The following PTPRG variants were observed in gnomAD, a reference collection of about 807,000 sequenced individuals.
PTPRG encodes the protein receptor-type tyrosine-protein phosphatase gamma.
Under a neutral mutation model 165.3 loss-of-function variants are expected in PTPRG, and 102 were observed. That is an observed-to-expected ratio of 0.62 (90% CI 0.53 to 0.73). PTPRG has a LOEUF of 0.73. PTPRG is among the 30% of genes least tolerant of loss of function. The probability of loss-of-function intolerance (pLI) is 0.00; values close to 1 mark genes in which losing one functional copy is unlikely to be tolerated. For synonymous variants in PTPRG, 675 were observed against 669.5 expected (o/e 1.01, Z -0.13); for missense variants, 1,866 against 1,861.4 (o/e 1.00, Z -0.05).
chr3:61,738,218 G>C (rs1277511831), intron 1 of PTPRG, among the ~76,000 whole-genome samples: 1 of 142,884 alleles, frequency 7.0e-6, no homozygotes. Flanking sequence ...TTTTAAAATG[G>C]GTACCCAACC....
chr3:61,827,485 A>G (rs535696842), intron 2 of PTPRG, among the ~76,000 whole-genome samples: 50 of 152,242 alleles, frequency 3.3e-4, no homozygotes, highest in African/African-American at 1.2e-3. Context: ...AAGGTCAGAA[A>G]TCATCTCATG....
At chr3:61,643,277 A>AAG (rs35814794) in intron 1 of PTPRG, among the ~76,000 whole-genome samples, 1,714 of 149,830 alleles carry the variant, frequency 0.011, 35 homozygotes, top group African/African-American at 0.036. Flanking sequence ...GAGAGAGAGA[A>AAG]AGAGAGAGAG....
chr3:62,046,579 CT>C (rs1248780680), intron 4 of PTPRG, among the ~76,000 whole-genome samples: 1 of 152,148 alleles, frequency 6.6e-6, no homozygotes, highest in Non-Finnish European at 1.5e-5. Context: ...CATTGGCATG[CT>C]TGCTGCCTTC....
intron 1 of PTPRG, among the ~76,000 whole-genome samples, chr3:61,645,598 G>C (rs979184210): frequency 6.6e-6 from 1 of 152,190 alleles, no homozygotes; most frequent in African/African-American, 2.4e-5. Context: ...TTGCCTTAAC[G>C]GGGCTAGTTC....
At chr3:61,880,909 G>A (rs1050772613) in intron 2 of PTPRG, among the ~76,000 whole-genome samples, 1 of 150,478 alleles carries the variant, frequency 6.6e-6, no homozygotes, top group Middle Eastern at 3.6e-3. Flanking sequence ...AATGGGGTCA[G>A]TTTCTACTGA....
At chr3:61,738,310 A>ATGTG (rs1559583400) in intron 1 of PTPRG, among the ~76,000 whole-genome samples, 3 of 45,498 alleles carry the variant, frequency 6.6e-5, no homozygotes, top group African/African-American at 1.6e-4. Flanking sequence ...ATATATATAT[A>ATGTG]TACATATATA....
rs750645849 is a variant in PTPRG, at chr3:62,091,728, A to G, written c.615+13470A>G. On this transcript the variant is annotated intron_variant, in intron 5 of 29. Transcript: ENST00000474889. ...ATGTGATCGTTGGAGATTTTAGAATACTAGGGCATGGGAATTATTACCTGT... is the reference window on the plus strand; with the variant it reads ...ATGTGATCGTTGGAGATTTTAGAATGCTAGGGCATGGGAATTATTACCTGT... Among the ~76,000 whole-genome samples, 5 of 152,266 alleles carry G rather than the reference A, an allele frequency of 3.3e-5. No homozygotes were observed. The East Asian group carries it at 9.7e-4, about 29-fold the overall frequency.
chr3:62,191,186 C>T (rs1576116535), intron 8 of PTPRG, among the ~76,000 whole-genome samples: 1 of 149,874 alleles, frequency 6.7e-6, no homozygotes, highest in Non-Finnish European at 1.5e-5. Context: ...GCCCCGTGCA[C>T]ATATGTGTAT....
intron 2 of PTPRG, among the ~76,000 whole-genome samples, chr3:61,855,749 C>G (rs2037088161): frequency 7.1e-6 from 1 of 141,596 alleles, no homozygotes; most frequent in African/African-American, 2.7e-5. Flanking sequence ...TCTTGGTTTA[C>G]TGGTGCTTCA....
chr3:61,808,313 G>A (rs2035475279), intron 2 of PTPRG, among the ~76,000 whole-genome samples: 1 of 152,150 alleles, frequency 6.6e-6, no homozygotes, highest in Admixed American at 6.5e-5. Flanking sequence ...GTTAAGATGT[G>A]GAGTGAACTG....
chr3:62,118,603 A>G (rs1702948841), intron 5 of PTPRG: 1 of 152,206 alleles, frequency 6.6e-6, no homozygotes, highest in Non-Finnish European at 1.5e-5. Context: ...TTTAAATTTT[A>G]TGTTTTTTGC....
Position 61,738,075 on chromosome 3 carries a change from A to AT in PTPRG, c.86-10795dup, listed in dbSNP as rs962532756. Among the ~76,000 whole-genome samples, 35 of 148,804 alleles carry AT rather than the reference A, an allele frequency of 2.4e-4. No individual in the cohort carries two copies. In the East Asian group the frequency reaches 5.2e-3, roughly 22 times the overall value. On this transcript the variant is annotated intron_variant, in intron 1 of 29. Transcript: ENST00000474889. ...AGGCGCCCGCTACCGCACCCGGCTA[A>AT]TTTTTTTTGTATTTTTAGCAGAGAT...
rs575211085 is a variant in PTPRG, at chr3:61,649,642, A to G, written c.85+87270A>G. On this transcript the variant is annotated intron_variant, in intron 1 of 29. Transcript: ENST00000474889. Reference sequence around the variant, plus strand: ...ATTGACAACACCTACGTTTTGGAGGAGACATGCAGGCTTCAAATCACAGCA... The same window carrying G: ...ATTGACAACACCTACGTTTTGGAGGGGACATGCAGGCTTCAAATCACAGCA... Among the ~76,000 whole-genome samples, 3 of 152,342 alleles carry G rather than the reference A, an allele frequency of 2.0e-5. No homozygotes were observed. The East Asian group carries it at 5.8e-4, about 29-fold the overall frequency.
At chr3:61,694,025 A>AAAG (rs1553650991) in intron 1 of PTPRG, among the ~76,000 whole-genome samples, 124 of 145,972 alleles carry the variant, frequency 8.5e-4, no homozygotes, top group African/African-American at 2.9e-3. Context: ...AAAAAAAAAA[A>AAAG]AGAGAGAGAG....
intron 4 of PTPRG, among the ~76,000 whole-genome samples, chr3:62,028,739 A>G (rs1006884857): frequency 1.3e-5 from 2 of 152,240 alleles, no homozygotes; most frequent in Non-Finnish European, 2.9e-5. Flanking sequence ...AATGAAACTC[A>G]GTGGTACAAA....
chr3:61,740,650 C>CT (rs1281184855), intron 1 of PTPRG, among the ~76,000 whole-genome samples: 2 of 151,594 alleles, frequency 1.3e-5, no homozygotes, highest in Admixed American at 6.6e-5. Flanking sequence ...TTTTACAATG[C>CT]TTTTTTTTCT....
At chr3:62,146,382 G>A (rs1280263472) in intron 6 of PTPRG, among the ~76,000 whole-genome samples, 1 of 152,090 alleles carries the variant, frequency 6.6e-6, no homozygotes, top group Non-Finnish European at 1.5e-5. Flanking sequence ...TCAAGACAGG[G>A]ATCTGATTAA....
intron 1 of PTPRG, among the ~76,000 whole-genome samples, chr3:61,734,456 C>T (rs372488201): frequency 6.6e-6 from 1 of 152,162 alleles, no homozygotes; most frequent in Non-Finnish European, 1.5e-5. Context: ...AAGAACAAAT[C>T]CATTTAATAA....
At chr3:61,882,638 C>A (rs769428997) in intron 2 of PTPRG, among the ~76,000 whole-genome samples, 30 of 152,154 alleles carry the variant, frequency 2.0e-4, no homozygotes, top group African/African-American at 2.9e-4. Flanking sequence ...TATCTAAATA[C>A]CTTGCACATC....
Sources: gnomAD v4.1 joint callset for allele counts (sites outside exome capture counted in the v4.1 genomes callset) on GRCh38, gnomAD v4.1.1 for gene constraint, MANE v1.5 for transcripts, NCBI Gene and HGNC (gene_info 2026-07-23, HGNC 2026-07-21) for gene names.